F5: variants seen among roughly 807,000 people sequenced by gnomAD.
F5 encodes the protein activated protein c cofactor.
Under a neutral mutation model 216.4 loss-of-function variants are expected in F5, and 138 were observed. That is an observed-to-expected ratio of 0.64 (90% CI 0.56 to 0.73). The LOEUF (loss-of-function observed/expected upper bound fraction) is 0.73. Ranked by LOEUF, F5 falls within the 30% of genes least tolerant of loss-of-function variation. The probability of loss-of-function intolerance (pLI) is 0.00; values close to 1 mark genes in which losing one functional copy is unlikely to be tolerated. For missense variants in F5, 2,403 were observed against 2,674.0 expected (o/e 0.90, Z 2.24); for synonymous variants, 916 against 930.7 (o/e 0.98, Z 0.29).
At position 169,560,634 on chromosome 1, in the gene F5, G is replaced by A. The variant is rs958881033; in HGVS notation, c.506C>T (p.Thr169Ile). Residue 169 changes from threonine (T) to isoleucine (I), a missense_variant, in exon 4 of 25, where the codon ACA becomes ATA. Thr to Ile is a moderately conservative substitution (Grantham distance 89). Transcript: ENST00000367797. The part of the protein sequence containing the change: ...GPTHDDPPCL[T>I]HIYYSHENLI... ...ATTTTCATGGGAGTAATAGATGTGT[G>A]TGAGGCATGGAGGGTCATCATGGGT... 3 of 1,613,842 alleles carry A rather than the reference G, an allele frequency of 1.9e-6. No individual in the cohort carries two copies. Among genetic ancestry groups the A allele is most frequent in the African/African-American group, 2.7e-5 (2 of 75,004 alleles).
intron 14 of F5, among the ~76,000 whole-genome samples, chr1:169,535,598 T>C (rs959283170): frequency 6.6e-6 from 1 of 152,186 alleles, no homozygotes. Flanking sequence ...ACCCGCAGTT[T>C]ATCTCCCATT....
chr1:169,526,295 A>G (rs1337073197), intron 17 of F5, among the ~76,000 whole-genome samples: 1 of 152,196 alleles, frequency 6.6e-6, no homozygotes. Context: ...CTCACATACA[A>G]TACAGCTTCA....
rs186736166 is a variant in F5, at chr1:169,534,010, G to A, written c.4971+2496C>T. 2.0e-4 allele frequency among the ~76,000 whole-genome samples: 31 copies of A among 152,244 alleles called. No homozygotes were observed. The East Asian group carries it at 5.6e-3, about 27-fold the overall frequency. On this transcript the variant is annotated intron_variant, in intron 14 of 24. Transcript: ENST00000367797. ...GGACCTGGTAGTTAAAGATCGACCC[G>A]TGACCTAATCGGTTATGTTATCTAT...
At chr1:169,585,133 T>C (rs1661074655) in intron 1 of F5, among the ~76,000 whole-genome samples, 1 of 152,220 alleles carries the variant, frequency 6.6e-6, no homozygotes, top group African/African-American at 2.4e-5. Context: ...CCAAAGGGTG[T>C]GGGTGTGACC....
intron 14 of F5, among the ~76,000 whole-genome samples, chr1:169,534,185 A>T (rs1391918252): frequency 6.6e-6 from 1 of 152,068 alleles, no homozygotes; most frequent in Non-Finnish European, 1.5e-5. Flanking sequence ...TAGAGTTGTG[A>T]GCCCTTAAAA....
At chr1:169,550,298 C>T (rs865808773) in intron 9 of F5, among the ~76,000 whole-genome samples, 54 of 134,508 alleles carry the variant, frequency 4.0e-4, no homozygotes, top group East Asian at 9.0e-4. Flanking sequence ...ACCCCCCCCC[C>T]CCGACAGGCC....
At chr1:169,565,343 G>A (rs1660573973) in intron 3 of F5, among the ~76,000 whole-genome samples, 2 of 152,092 alleles carry the variant, frequency 1.3e-5, no homozygotes, top group African/African-American at 4.8e-5. Flanking sequence ...TCACCCAAGT[G>A]TGAGTTCCTC....
At chr1:169,570,692 T>C (rs1408091144) in intron 3 of F5, among the ~76,000 whole-genome samples, 1 of 147,060 alleles carries the variant, frequency 6.8e-6, no homozygotes, top group African/African-American at 2.4e-5. Context: ...AAACAATAAA[T>C]TTAAAAATTA....
In F5 at chr1:169,541,895, C is replaced by T. The variant is rs549850330; in HGVS notation, c.3195G>A (p.Lys1065=). Residue 1065 remains lysine (K), a synonymous_variant, in exon 13 of 25, where the codon AAG becomes AAA. Transcript: ENST00000367797. ...AYNTFSERRL[K]HSLVLHKSNE... The stretch of plus-strand genomic sequence containing the variant: ...TGGATTTATGAAGCACCAACGAATG[C>T]TTAAGTCTTCTTTCTGAAAATGTGT... The T allele has an allele frequency of 2.5e-6, 4 of 1,614,078 alleles. No homozygotes were observed. The highest frequency in any genetic ancestry group is 3.3e-5 in the Admixed American group (2 of 60,016).
chr1:169,556,864 A>G lies in F5; in HGVS notation c.734T>C (p.Ile245Thr), dbSNP rs1475386774. ...NGYVNGTMPD[I>T]TVCAHDHISW... ...GATGTGGTCATGGGCACAAACTGTT[A>G]TATCTGAGAAAGAGGGAGAGACACA... Residue 245 changes from isoleucine (I) to threonine (T), a missense_variant, in exon 6 of 25, where the codon ATA becomes ACA. Physicochemically the swap from Ile to Thr is moderately conservative, Grantham distance 89. Transcript: ENST00000367797. The G allele has an allele frequency of 6.2e-7, 1 of 1,613,424 alleles. No homozygotes were observed. The highest frequency in any genetic ancestry group is 8.5e-7 in the Non-Finnish European group (1 of 1,179,896).
chr1:169,564,203 GTTCCT>G (rs1291555499), intron 3 of F5, among the ~76,000 whole-genome samples: 10 of 152,054 alleles, frequency 6.6e-5, no homozygotes, highest in Non-Finnish European at 1.0e-4. Flanking sequence ...TGTTCCACCT[GTTCCT>G]TTCAAGTGAC....
At chr1:169,522,758 T>C (rs1353753056) in intron 21 of F5, among the ~76,000 whole-genome samples, 2 of 152,148 alleles carry the variant, frequency 1.3e-5, no homozygotes, top group Non-Finnish European at 2.9e-5. Flanking sequence ...AGAATCACAC[T>C]GCCTCAGAGG....
In F5 at chr1:169,540,523, T is replaced by G. The variant is rs1659808848; in HGVS notation, c.4567A>C (p.Ile1523Leu). The change falls in exon 13 of 25, where the codon ATT becomes CTT. Residue 1523 changes from isoleucine (I) to leucine (L), a missense_variant. Coordinates refer to ENST00000367797, the MANE Select transcript of F5 (RefSeq NM_000130.5). Reference protein sequence around the residue: ...VGLSKDGTDYIEIIPKEEVQS... With the variant: ...VGLSKDGTDYLEIIPKEEVQS... Reference sequence around the variant, plus strand: ...ACCTCTTCCTTTGGAATGATCTCAATGTAATCTGTACCATCTTTACTGAGG... The same window carrying G: ...ACCTCTTCCTTTGGAATGATCTCAAGGTAATCTGTACCATCTTTACTGAGG... The G allele has an allele frequency of 6.2e-7, 1 of 1,613,874 alleles. No homozygotes were observed. Among genetic ancestry groups the G allele is most frequent in the African/African-American group, 1.3e-5 (1 of 74,920 alleles).
chr1:169,582,581 T>C, intron 1 of F5, 59 bp from the exon 2 acceptor site: 1 of 934,134 alleles, frequency 1.1e-6, no homozygotes, highest in Admixed American at 2.2e-5. Context: ...TTTCTCACAT[T>C]ACAAAAAAAG....
At chr1:169,569,707 AT>A (rs1349065084) in intron 3 of F5, among the ~76,000 whole-genome samples, 1 of 152,046 alleles carries the variant, frequency 6.6e-6, no homozygotes, top group Non-Finnish European at 1.5e-5. Context: ...ATTTTTACAA[AT>A]CACCGTTTGT....
chr1:169,560,247 C>T (rs962760872), intron 4 of F5, among the ~76,000 whole-genome samples: 4 of 152,112 alleles, frequency 2.6e-5, no homozygotes, highest in Admixed American at 6.5e-5. Flanking sequence ...TTCTAAAAGA[C>T]TTTGGCCTTG....
rs1056515224 is a variant in F5, at chr1:169,586,171, T to A, written c.158+58A>T. The A allele has an allele frequency of 3.8e-6, 6 of 1,599,412 alleles. No homozygotes were observed. The Admixed American group carries it at 1.0e-4, about 27-fold the overall frequency. On this transcript the variant is annotated intron_variant, in intron 1 of 24. Transcript: ENST00000367797. Reference sequence around the variant, plus strand: ...ATGACATTGCAAAGGGAATGTTCTCTAAAAGAAATAGATTTTCCTCTCTAG... The same window carrying A: ...ATGACATTGCAAAGGGAATGTTCTCAAAAAGAAATAGATTTTCCTCTCTAG...
chr1:169,522,093 C>T (rs12239964), intron 21 of F5, among the ~76,000 whole-genome samples: 1 of 151,564 alleles, frequency 6.6e-6, no homozygotes, highest in Non-Finnish European at 1.5e-5. Context: ...AGGGAATTGA[C>T]CAGTTAATTG....
chr1:169,514,344 C>T lies in F5; in HGVS notation c.6644G>A (p.Arg2215His), dbSNP rs952196842. 22 of 1,613,068 alleles carry T rather than the reference C, an allele frequency of 1.4e-5. No homozygotes were observed. Among genetic ancestry groups the T allele is most frequent in the East Asian group, 4.5e-5 (2 of 44,850 alleles). ...AATATCACAGCCAAAGAGTTCCAGG[C>T]GAAGTGCAATACTTTGATTCCATGT... ...PKTWNQSIALRLELFGCDIY is the reference protein window; with the variant it reads ...PKTWNQSIALHLELFGCDIY The change falls in exon 25 of 25, where the codon CGC (arginine) becomes CAC (histidine). Residue 2215 changes from arginine (R) to histidine (H), a missense_variant. Coordinates refer to ENST00000367797, the MANE Select transcript of F5 (RefSeq NM_000130.5).
Sources: allele counts gnomAD v4.1 joint callset (sites outside exome capture counted in the v4.1 genomes callset), GRCh38; gene constraint gnomAD v4.1.1; transcripts MANE v1.5; gene names NCBI Gene and HGNC (gene_info 2026-07-23, HGNC 2026-07-21).